Variants in TSPAN7 observed in about 807,000 individuals in gnomAD.
TSPAN7 encodes tetraspanin-7.
In TSPAN7, 1 loss-of-function variant was observed where a neutral mutation model predicts 17.6. That is an observed-to-expected ratio of 0.06 (90% CI 0.02 to 0.27). The LOEUF is 0.27. Ranked by LOEUF, TSPAN7 falls within the 10% of genes least tolerant of loss-of-function variation. The probability of loss-of-function intolerance (pLI) is 1.00; values close to 1 mark genes in which losing one functional copy is unlikely to be tolerated. For synonymous variants in TSPAN7, 78 were observed against 79.0 expected, an observed-to-expected ratio of 0.99 and a Z score of 0.07; for missense variants, 112 against 201.7, an observed-to-expected ratio of 0.56 and a Z score of 2.69.
At chrX:38,671,580 AT>A (rs903717501) in intron 3 of TSPAN7, 130 bp downstream of exon 3, 1 of 647,580 alleles carries the variant, frequency 1.5e-6, no homozygotes, top group African/African-American at 2.2e-5. Flanking sequence ...TTTTCCAAAG[AT>A]CATGTCATAT....
At chrX:38,687,387 A>G in intron 6 of TSPAN7, among the ~76,000 whole-genome samples, 1 of 111,686 alleles carries the variant, frequency 9.0e-6, no homozygotes, top group Non-Finnish European at 1.9e-5. Context: ...AACAGCTGAG[A>G]TCCCATGGTT....
chrX:38,665,620 T>C (rs1018767804), intron 1 of TSPAN7, among the ~76,000 whole-genome samples: 5 of 112,187 alleles, frequency 4.5e-5, no homozygotes, highest in Admixed American at 9.4e-5. Flanking sequence ...GATTCAAAAA[T>C]ATTTGGAATA....
intron 1 of TSPAN7, among the ~76,000 whole-genome samples, chrX:38,604,859 AC>A (rs1164238156): frequency 1.8e-5 from 2 of 110,831 alleles, no homozygotes; most frequent in Non-Finnish European, 3.8e-5. Flanking sequence ...AAATTCAACA[AC>A]CCTTCATGCT....
intron 3 of TSPAN7, among the ~76,000 whole-genome samples, chrX:38,672,601 C>T (rs1302813337): frequency 9.0e-6 from 1 of 111,509 alleles, no homozygotes; most frequent in Non-Finnish European, 1.9e-5. Context: ...ATAAGTGCCC[C>T]TCGTGCATGT....
At chrX:38,567,888 T>G (rs2069151626) in intron 1 of TSPAN7, among the ~76,000 whole-genome samples, 2 of 111,725 alleles carry the variant, frequency 1.8e-5, no homozygotes, top group South Asian at 7.6e-4. Flanking sequence ...AGAGTGGTCG[T>G]CAGTGATTTC....
chrX:38,630,400 G>GT (rs1450208781), intron 1 of TSPAN7, among the ~76,000 whole-genome samples: 7 of 111,077 alleles, frequency 6.3e-5, no homozygotes, highest in Non-Finnish European at 9.5e-5. Context: ...AATCTAAAAG[G>GT]TTTTTTTTAG....
chrX:38,612,949 T>C (rs1008253949), intron 1 of TSPAN7, among the ~76,000 whole-genome samples: 10 of 111,946 alleles, frequency 8.9e-5, no homozygotes, highest in African/African-American at 3.2e-4. Context: ...TTTCATCCAC[T>C]ATGCTGGGCA....
chrX:38,651,050 CAT>C (rs34201318), intron 1 of TSPAN7, among the ~76,000 whole-genome samples: 32,231 of 97,786 alleles, frequency 0.33, 4,337 homozygotes, highest in East Asian at 0.65. Flanking sequence ...AATGTGATTA[CAT>C]ATATATATAT....
intron 1 of TSPAN7, among the ~76,000 whole-genome samples, chrX:38,642,521 T>C (rs2069618947): frequency 8.9e-6 from 1 of 112,181 alleles, no homozygotes; most frequent in African/African-American, 3.2e-5. Flanking sequence ...GTGGCCTTTG[T>C]AATCTATGGT....
chrX:38,626,163 G>T (rs1053846339), intron 1 of TSPAN7, among the ~76,000 whole-genome samples: 15 of 110,751 alleles, frequency 1.4e-4, no homozygotes, highest in African/African-American at 4.9e-4. Context: ...TGTGGTCAGA[G>T]AGTGGGATTT....
intron 1 of TSPAN7, among the ~76,000 whole-genome samples, chrX:38,614,266 A>G (rs1220462722): frequency 8.9e-6 from 1 of 111,980 alleles, no homozygotes; most frequent in Non-Finnish European, 1.9e-5. Flanking sequence ...GCTTCTGACC[A>G]TTTATGGAAC....
intron 1 of TSPAN7, among the ~76,000 whole-genome samples, chrX:38,607,588 A>G (rs1438350813): frequency 9.0e-6 from 1 of 111,511 alleles, no homozygotes; most frequent in Non-Finnish European, 1.9e-5. Flanking sequence ...ACAAGCACCC[A>G]AGCAGTACTG....
chrX:38,591,572 A>G (rs1024194152), intron 1 of TSPAN7, among the ~76,000 whole-genome samples: 3 of 112,016 alleles, frequency 2.7e-5, no homozygotes, highest in African/African-American at 9.7e-5. Context: ...TAATTTTCTC[A>G]ATACTTGTTC....
chrX:38,659,683 A>G (rs2069729613), intron 1 of TSPAN7, among the ~76,000 whole-genome samples: 2 of 96,784 alleles, frequency 2.1e-5, no homozygotes, highest in African/African-American at 7.2e-5. Flanking sequence ...TTTTTTTGAG[A>G]TGGAGGTCTT....
intron 2 of TSPAN7, among the ~76,000 whole-genome samples, chrX:38,671,034 C>T (rs1009231516): frequency 9.0e-6 from 1 of 111,516 alleles, no homozygotes; most frequent in African/African-American, 3.3e-5. Flanking sequence ...TGGTTTTTTT[C>T]TAGCTCAAAG....
intron 1 of TSPAN7, among the ~76,000 whole-genome samples, chrX:38,591,560 A>G (rs1430078727): frequency 8.9e-6 from 1 of 111,912 alleles, no homozygotes; most frequent in Non-Finnish European, 1.9e-5. Context: ...CATATCCTTA[A>G]CTAATTTTCT....
At chrX:38,652,988 C>T (rs1052405733) in intron 1 of TSPAN7, among the ~76,000 whole-genome samples, 2 of 112,066 alleles carry the variant, frequency 1.8e-5, no homozygotes, top group African/African-American at 6.5e-5. Context: ...AGCCCTTGGC[C>T]TTGACTGCTG....
At chrX:38,671,275 G>A (rs2069819799) in intron 2 of TSPAN7, 101 bp from the exon 3 acceptor site, 2 of 794,056 alleles carry the variant, frequency 2.5e-6, no homozygotes, top group South Asian at 4.1e-5. Flanking sequence ...GGGAGTGTGA[G>A]GACTTGTCTA....
rs745941848 is a variant in TSPAN7 at position 38,562,011 on chromosome X, G to A, written c.81+384G>A. On this transcript the variant is annotated intron_variant, in intron 1 of 7. Coordinates refer to ENST00000378482, the MANE Select transcript of TSPAN7 (RefSeq NM_004615.4). ...CACCTTTCTCTCCCTTCCCCTACCA[G>A]CCGGTTCGCGGCGCCTCTTGGAGCT... 6.2e-5 allele frequency among the ~76,000 whole-genome samples: 7 copies of A among 112,828 alleles called. No individual in the cohort carries two copies. In the South Asian group the frequency reaches 2.2e-3, roughly 35 times the overall value.
Sources: gnomAD v4.1 joint callset for allele counts (sites outside exome capture counted in the v4.1 genomes callset) on GRCh38, gnomAD v4.1.1 for gene constraint, MANE v1.5 for transcripts, NCBI Gene and HGNC (gene_info 2026-07-23, HGNC 2026-07-21) for gene names.